SNX29: variants seen among roughly 807,000 people sequenced by gnomAD.
The protein encoded by SNX29 is sorting nexin 29.
Under a neutral mutation model 102.1 loss-of-function variants are expected in SNX29, and 78 were observed. The observed-to-expected ratio is 0.76, with a 90% CI of 0.64 to 0.92. The LOEUF is 0.92. SNX29 is among the 40% of genes least tolerant of loss of function. The probability of loss-of-function intolerance (pLI) is 0.00; values close to 1 mark genes in which losing one functional copy is unlikely to be tolerated. For missense variants in SNX29, 1,280 were observed against 1,061.7 expected, an observed-to-expected ratio of 1.21 and a Z score of -2.86; for synonymous variants, 580 against 414.5, an observed-to-expected ratio of 1.40 and a Z score of -4.85.
At chr16:12,565,209 G>A (rs939470600) in intron 20 of SNX29, among the ~76,000 whole-genome samples, 1 of 152,156 alleles carries the variant, frequency 6.6e-6, no homozygotes, top group South Asian at 2.1e-4. Flanking sequence ...TATTCAGCCA[G>A]ACAGCATTAC....
intron 18 of SNX29, among the ~76,000 whole-genome samples, chr16:12,427,674 A>G (rs116307170): frequency 3.2e-4 from 48 of 152,362 alleles, no homozygotes; most frequent in African/African-American, 1.1e-3. Context: ...CTGTGCCAGG[A>G]CAGGCTGAAC....
At chr16:12,411,282 C>A (rs1400084264) in intron 18 of SNX29, among the ~76,000 whole-genome samples, 1 of 152,166 alleles carries the variant, frequency 6.6e-6, no homozygotes, top group South Asian at 2.1e-4. Context: ...AGTTTCATCC[C>A]AGCCAGTGTG....
intron 19 of SNX29, among the ~76,000 whole-genome samples, chr16:12,512,632 G>A (rs1163408029): frequency 6.8e-6 from 1 of 147,784 alleles, no homozygotes; most frequent in African/African-American, 2.4e-5. Context: ...AGCATCCCAT[G>A]GATACGCAGG....
chr16:12,235,197 T>A (rs1436881455), intron 14 of SNX29, among the ~76,000 whole-genome samples: 2 of 152,192 alleles, frequency 1.3e-5, no homozygotes, highest in African/African-American at 4.8e-5. Context: ...ACTCTTTCTT[T>A]CCTTTCTCTC....
chr16:12,059,395 G>T (rs747210513), intron 8 of SNX29, among the ~76,000 whole-genome samples: 1 of 152,234 alleles, frequency 6.6e-6, no homozygotes, highest in Non-Finnish European at 1.5e-5. Context: ...AAGGTCATCT[G>T]GTTCTCCCCC....
chr16:12,233,034 A>G (rs1596576543), intron 14 of SNX29, among the ~76,000 whole-genome samples: 1 of 152,290 alleles, frequency 6.6e-6, no homozygotes, highest in East Asian at 1.9e-4. Flanking sequence ...GTTCTGGATG[A>G]GAGATGGAAG....
chr16:12,248,785 T>C (rs2078336961), intron 14 of SNX29, among the ~76,000 whole-genome samples: 1 of 151,996 alleles, frequency 6.6e-6, no homozygotes, highest in Non-Finnish European at 1.5e-5. Context: ...CACTGCTTTA[T>C]TTTTCTGTGC....
chr16:11,982,929 T>A (rs539395427), intron 1 of SNX29, among the ~76,000 whole-genome samples: 5 of 152,198 alleles, frequency 3.3e-5, no homozygotes, highest in African/African-American at 7.2e-5. Context: ...AAATTTTTTT[T>A]AATTAACGAA....
At chr16:12,533,941 G>A (rs1652542953) in intron 20 of SNX29, among the ~76,000 whole-genome samples, 1 of 152,240 alleles carries the variant, frequency 6.6e-6, no homozygotes, top group African/African-American at 2.4e-5. Context: ...TAAGTTGGTT[G>A]GAAACTCCTT....
At chr16:12,560,890 C>T (rs941325703) in intron 20 of SNX29, 3 of 191,216 alleles carry the variant, frequency 1.6e-5, no homozygotes, top group African/African-American at 4.7e-5. Context: ...ATTTGACAAG[C>T]AGTGGCTTTT....
At chr16:12,498,823 A>G (rs1167827008) in intron 19 of SNX29, among the ~76,000 whole-genome samples, 2 of 152,202 alleles carry the variant, frequency 1.3e-5, no homozygotes, top group African/African-American at 2.4e-5. Context: ...ACTGTTGCCA[A>G]CAAAAGTAAA....
At chr16:12,342,827 C>G (rs2081650722) in intron 15 of SNX29, among the ~76,000 whole-genome samples, 1 of 152,170 alleles carries the variant, frequency 6.6e-6, no homozygotes, top group African/African-American at 2.4e-5. Flanking sequence ...ACAGTGCTCG[C>G]TCACATTTGA....
chr16:12,476,328 G>A (rs1258940575), intron 18 of SNX29, among the ~76,000 whole-genome samples: 2 of 66,284 alleles, frequency 3.0e-5, no homozygotes, highest in Admixed American at 3.7e-4. Context: ...AAAAAAGTGA[G>A]CAAAGGACAC....
rs113789270 is a variant in SNX29 at position 12,550,831 on chromosome 16, C to T, written c.2319-17675C>T. ...GAATATGTGTTAATTTACCTTTTTA[C>T]AGATGATTTTTGAGCAGTATTTTCA... is the stretch of plus-strand genomic sequence containing the variant. On this transcript the variant is annotated intron_variant, in intron 20 of 20. Coordinates refer to ENST00000566228, the MANE Select transcript of SNX29 (RefSeq NM_032167.5). 9.0e-3 allele frequency among the ~76,000 whole-genome samples: 1,369 copies of T among 152,246 alleles called. 21 individuals carry two copies. Among genetic ancestry groups the T allele is most frequent in the South Asian group, 0.045 (217 of 4,820 alleles).
At chr16:12,222,929 T>C (rs1458508599) in intron 14 of SNX29, among the ~76,000 whole-genome samples, 4 of 152,162 alleles carry the variant, frequency 2.6e-5, no homozygotes, top group Admixed American at 6.5e-5. Context: ...GGTGTAGATA[T>C]TATTCTCACT....
intron 13 of SNX29, among the ~76,000 whole-genome samples, chr16:12,185,605 A>G (rs1359344674): frequency 1.3e-5 from 2 of 152,078 alleles, no homozygotes; most frequent in Non-Finnish European, 2.9e-5. Flanking sequence ...CATGGCCCAC[A>G]TCGTTGTATT....
intron 16 of SNX29, chr16:12,367,031 C>G (rs550249665): frequency 2.6e-5 from 4 of 152,380 alleles, no homozygotes; most frequent in South Asian, 4.1e-4. Context: ...AACTACAAAG[C>G]CTTTCCATCT....
At chr16:12,448,105 C>T (rs970267902) in intron 18 of SNX29, among the ~76,000 whole-genome samples, 16 of 152,236 alleles carry the variant, frequency 1.1e-4, no homozygotes, top group East Asian at 1.9e-4. Context: ...GCAAAAATGA[C>T]GTTATTATCT....
At chr16:12,488,372 T>C (rs1260003368) in intron 19 of SNX29, among the ~76,000 whole-genome samples, 1 of 152,108 alleles carries the variant, frequency 6.6e-6, no homozygotes, top group African/African-American at 2.4e-5. Context: ...TGAGCCGCCC[T>C]TCCCTGGGTT....
Sources: gnomAD v4.1 joint callset for allele counts (sites outside exome capture counted in the v4.1 genomes callset) on GRCh38, gnomAD v4.1.1 for gene constraint, MANE v1.5 for transcripts, NCBI Gene and HGNC (gene_info 2026-07-23, HGNC 2026-07-21) for gene names.